The following WNT7B variants were observed in gnomAD, a reference collection of about 807,000 sequenced individuals.
The protein encoded by WNT7B is Wnt family member 7B, also known as protein Wnt-7b.
Under a neutral mutation model 38.2 loss-of-function variants are expected in WNT7B, and 19 were observed. That is an observed-to-expected ratio of 0.50 (90% CI 0.35 to 0.73). WNT7B has a LOEUF of 0.73. Ranked by LOEUF, WNT7B falls within the 30% of genes least tolerant of loss-of-function variation. The pLI, the probability that WNT7B is intolerant of heterozygous loss-of-function variation, is 0.01. For synonymous variants in WNT7B, 243 were observed against 209.3 expected, an observed-to-expected ratio of 1.16 and a Z score of -1.39; for missense variants, 423 against 507.9, an observed-to-expected ratio of 0.83 and a Z score of 1.61.
At chr22:45,948,941 C>T (rs1022713488) in intron 2 of WNT7B, among the ~76,000 whole-genome samples, 2 of 150,482 alleles carry the variant, frequency 1.3e-5, no homozygotes, top group Admixed American at 6.7e-5. Context: ...CTCCGCCTCC[C>T]GGATTCAAGC....
In WNT7B at chr22:45,965,277, T is replaced by A. The variant is rs1252326369; in HGVS notation, c.71+11407A>T. On this transcript the variant is annotated intron_variant, in intron 1 of 3. Transcript: ENST00000339464. The surrounding 1 kb of genome is among the most constrained non-coding windows in gnomAD (Gnocchi z 6.5). ...AGAGGTCTTCCCTGGGCCACCCTCA[T>A]CACAGATGGCTTAGAGCTCCTGCTG... Among the ~76,000 whole-genome samples, 1 of 152,152 alleles carries A rather than the reference T, an allele frequency of 6.6e-6. No homozygotes were observed. The highest frequency in any genetic ancestry group is 2.4e-5 in the African/African-American group (1 of 41,424).
intron 2 of WNT7B, among the ~76,000 whole-genome samples, chr22:45,945,988 G>A (rs1931784662): frequency 6.6e-6 from 1 of 152,244 alleles, no homozygotes; most frequent in Non-Finnish European, 1.5e-5. Context: ...GGCAGCTCAA[G>A]GGTGGGGCTA....
chr22:45,929,683 TA>T (rs879900442), intron 3 of WNT7B, among the ~76,000 whole-genome samples: 16,515 of 111,740 alleles, frequency 0.15, 1,095 homozygotes, highest in African/African-American at 0.22. Context: ...CTTCCCTCCA[TA>T]CTTCCATCCA....
chr22:45,928,466 G>A (rs906501742), intron 3 of WNT7B, among the ~76,000 whole-genome samples: 3 of 152,018 alleles, frequency 2.0e-5, no homozygotes, highest in African/African-American at 7.3e-5. Flanking sequence ...GGAGGTCAAG[G>A]CTCAGCAGCA....
At chr22:45,963,643 TCCC>T (rs1932245689) in intron 1 of WNT7B, among the ~76,000 whole-genome samples, 1 of 152,220 alleles carries the variant, frequency 6.6e-6, no homozygotes, top group South Asian at 2.1e-4. Context: ...CTGTGGCTTT[TCCC>T]CCCACCTTTG....
At chr22:45,949,227 G>C (rs1273053373) in intron 2 of WNT7B, among the ~76,000 whole-genome samples, 2 of 152,204 alleles carry the variant, frequency 1.3e-5, no homozygotes, top group South Asian at 4.1e-4. Flanking sequence ...AGGACAGGGA[G>C]GGGTTGTGGC....
At chr22:45,924,663 C>T (rs891988637) in intron 3 of WNT7B, among the ~76,000 whole-genome samples, 1 of 151,984 alleles carries the variant, frequency 6.6e-6, no homozygotes, top group Admixed American at 6.6e-5. Context: ...CCAGGTGGGC[C>T]CTAGGCTGGC....
At chr22:45,924,182 C>T (rs1007906536) in intron 3 of WNT7B, among the ~76,000 whole-genome samples, 1 of 152,244 alleles carries the variant, frequency 6.6e-6, no homozygotes, top group African/African-American at 2.4e-5. Flanking sequence ...TGTCAGAGCT[C>T]TGCTGGCCTC....
At chr22:45,930,509 G>A (rs1168992628) in intron 3 of WNT7B, among the ~76,000 whole-genome samples, 1 of 152,194 alleles carries the variant, frequency 6.6e-6, no homozygotes, top group Non-Finnish European at 1.5e-5. Context: ...AGTGGGCGGG[G>A]CCCGGCTTGC....
chr22:45,956,912 C>T (rs1932077197), intron 1 of WNT7B, among the ~76,000 whole-genome samples: 1 of 151,944 alleles, frequency 6.6e-6, no homozygotes, highest in South Asian at 2.1e-4. Context: ...TCGAGACCAT[C>T]CTGGCCAACA....
In WNT7B at chr22:45,965,229, G is replaced by T. The variant is rs368198853; in HGVS notation, c.71+11455C>A. ...TCCCTCCAGCAGGTCCTTCAGGGCC[G>T]AGGTCAGAGGCTGCCTTACTTGAGA... On this transcript the variant is annotated intron_variant, in intron 1 of 3. Transcript: ENST00000339464. This position sits in a 1 kb window ranked among gnomAD's most constrained non-coding sequence, Gnocchi z 6.5. Among the ~76,000 whole-genome samples, 2 of 152,166 alleles carry T rather than the reference G, an allele frequency of 1.3e-5. No individual in the cohort carries two copies. The highest frequency in any genetic ancestry group is 4.8e-5 in the African/African-American group (2 of 41,418).
intron 2 of WNT7B, among the ~76,000 whole-genome samples, chr22:45,946,824 A>G (rs1403915239): frequency 6.6e-6 from 1 of 152,218 alleles, no homozygotes; most frequent in East Asian, 1.9e-4. Context: ...AGGGATTGGA[A>G]CTTTGCACAG....
chr22:45,931,498 C>G (rs1931358553), intron 2 of WNT7B, 129 bp from the exon 3 acceptor site: 2 of 1,142,756 alleles, frequency 1.8e-6, no homozygotes, highest in South Asian at 3.2e-5. Context: ...ATCGCTCGCC[C>G]CCTCTGTGCC....
intron 1 of WNT7B, among the ~76,000 whole-genome samples, chr22:45,963,844 C>G (rs1569124317): frequency 1.3e-5 from 2 of 152,200 alleles, no homozygotes; most frequent in Non-Finnish European, 2.9e-5. Context: ...AAGCAGGGGA[C>G]TCCCGCAACA....
intron 3 of WNT7B, among the ~76,000 whole-genome samples, chr22:45,928,858 GCATACCACGA>G (rs953066281): frequency 1.2e-4 from 11 of 90,510 alleles, no homozygotes; most frequent in East Asian, 9.4e-4. Context: ...TCCCCATACC[GCATACCACGA>G]CATACCACGA....
At chr22:45,933,752 G>A (rs149718168) in intron 2 of WNT7B, among the ~76,000 whole-genome samples, 9 of 152,336 alleles carry the variant, frequency 5.9e-5, no homozygotes, top group Admixed American at 1.3e-4. Context: ...CGCTTGCTGT[G>A]TGTGTGTGGT....
intron 1 of WNT7B, among the ~76,000 whole-genome samples, chr22:45,967,277 G>A (rs979676807): frequency 2.0e-5 from 3 of 152,070 alleles, no homozygotes; most frequent in Non-Finnish European, 4.4e-5. Flanking sequence ...ACAAGGGAGG[G>A]CGCCCGGCCT....
chr22:45,948,824 TC>T (rs1321937567), intron 2 of WNT7B, among the ~76,000 whole-genome samples: 3 of 112,454 alleles, frequency 2.7e-5, no homozygotes, highest in African/African-American at 3.6e-5. Context: ...GCTCCAAAGA[TC>T]CCTTTTTTTT....
At chr22:45,958,714 G>A (rs950818637) in intron 1 of WNT7B, among the ~76,000 whole-genome samples, 9 of 152,156 alleles carry the variant, frequency 5.9e-5, no homozygotes, top group Admixed American at 3.9e-4. Flanking sequence ...CACTGTCCCG[G>A]GGCTGGCCAG....
Sources: gnomAD v4.1 joint callset for allele counts (sites outside exome capture counted in the v4.1 genomes callset) on GRCh38, gnomAD v4.1.1 for gene constraint, Gnocchi (gnomAD v3.1) non-coding constraint, MANE v1.5 for transcripts, NCBI Gene and HGNC (gene_info 2026-07-23, HGNC 2026-07-21) for gene names.